Variants in DBX2 observed in about 807,000 individuals in gnomAD.
DBX2 encodes homeobox protein DBX2.
Under a neutral mutation model 17.7 loss-of-function variants are expected in DBX2, and 16 were observed. The observed-to-expected ratio is 0.90, with a 90% confidence interval of 0.61 to 1.37. The LOEUF (loss-of-function observed/expected upper bound fraction) is 1.37. DBX2 is among the 40% of genes most tolerant of loss of function. The probability of loss-of-function intolerance (pLI) is 0.00; values close to 1 mark genes in which losing one functional copy is unlikely to be tolerated. For missense variants in DBX2, 538 were observed against 433.8 expected (o/e 1.24, Z -2.13); for synonymous variants, 255 against 183.8 (o/e 1.39, Z -3.13).
At chr12:45,030,388 G>A (rs1480046134) in intron 2 of DBX2, among the ~76,000 whole-genome samples, 1 of 152,198 alleles carries the variant, frequency 6.6e-6, no homozygotes, top group Non-Finnish European at 1.5e-5. Flanking sequence ...GTGATGTTTA[G>A]ACTCACCAAT....
Position 45,016,157 on chromosome 12 carries a change from A to C in DBX2, c.*129T>G. 3.0e-6 allele frequency: 3 copies of C among 984,974 alleles called. No individual in the cohort carries two copies. The highest frequency in any genetic ancestry group is 5.0e-5 in the South Asian group (2 of 39,988). The allele number at this position is 984,974 out of a possible 1,614,324, so 61.0% of individuals were successfully genotyped here. ...GAGAACACTAGAGTGGGTTTCCTAAAGCATTAGTTCATACATCGCTCCAAA... is the reference window on the plus strand; with the variant it reads ...GAGAACACTAGAGTGGGTTTCCTAACGCATTAGTTCATACATCGCTCCAAA... On this transcript the variant is annotated 3_prime_UTR_variant, in exon 4 of 4. Transcript: ENST00000332700.
At chr12:45,037,302 T>G (rs1002435924) in intron 1 of DBX2, among the ~76,000 whole-genome samples, 1 of 152,190 alleles carries the variant, frequency 6.6e-6, no homozygotes, top group Non-Finnish European at 1.5e-5. Flanking sequence ...GGAGATTGCC[T>G]AAAGTGGGCA....
At chr12:45,033,033 A>T (rs559171219) in intron 2 of DBX2, among the ~76,000 whole-genome samples, 30 of 152,280 alleles carry the variant, frequency 2.0e-4, no homozygotes, top group African/African-American at 6.7e-4. Context: ...CTGCCTTTTA[A>T]TTTTTCCCCA....
intron 2 of DBX2, among the ~76,000 whole-genome samples, chr12:45,029,695 TC>T (rs1193447055): frequency 6.6e-6 from 1 of 151,786 alleles, no homozygotes; most frequent in Admixed American, 6.6e-5. Flanking sequence ...TGAAACCGTC[TC>T]TACTAAAAAT....
In DBX2 at chr12:45,050,710, A is replaced by G. The variant is rs1946527164; in HGVS notation, c.218T>C (p.Leu73Pro). 2.0e-6 allele frequency: 3 copies of G among 1,499,636 alleles called. No homozygotes were observed. The highest frequency in any genetic ancestry group is 2.7e-6 in the Non-Finnish European group (3 of 1,127,162). 92.9% of individuals were successfully genotyped at this position (1,499,636 alleles called of 1,614,324 possible). A position where few individuals can be genotyped will look rare whatever the true frequency, so the allele number is the denominator to read the frequency against. Reference sequence around the variant, plus strand: ...AACTGGGCTAGCAGGCAGGGGCCGGAGCTGCGCGCCCGCGGTGGCCAGGGC... The same window carrying G: ...AACTGGGCTAGCAGGCAGGGGCCGGGGCTGCGCGCCCGCGGTGGCCAGGGC... The part of the protein sequence containing the change: ...ATALATAGAQ[L>P]RPLPASPVPL... Residue 73 changes from leucine to proline, a missense_variant, in exon 1 of 4, where the codon CTC (leucine) becomes CCC (proline). Leu to Pro is a moderately conservative substitution (Grantham distance 98). Transcript: ENST00000332700.
chr12:45,020,675 G>GTATATATATATATATATATA (rs10649840), intron 3 of DBX2, among the ~76,000 whole-genome samples: 3 of 146,010 alleles, frequency 2.1e-5, no homozygotes, highest in African/African-American at 7.6e-5. Flanking sequence ...GTATATATAT[G>GTATATATATATATATATATA]TATATATATA....
rs116660148 is a variant in DBX2, at chr12:45,042,251, T to A, written c.404-6137A>T. ...TTAGTATATAATCTGAGATCAAGAC[T>A]AAAACAGCACATAAAAAAGCTGTAT... is the stretch of plus-strand genomic sequence containing the variant. On this transcript the variant is annotated intron_variant, in intron 1 of 3. Coordinates refer to ENST00000332700, the MANE Select transcript of DBX2 (RefSeq NM_001004329.3). 1.0e-3 allele frequency among the ~76,000 whole-genome samples: 152 copies of A among 152,292 alleles called. 1 individual carries two copies. Among genetic ancestry groups the A allele is most frequent in the African/African-American group, 3.4e-3 (142 of 41,568 alleles).
chr12:45,016,132 G>C lies in DBX2; in HGVS notation c.*154C>G. ...TAAGCCTGAGTCTAGGGCCAAACAAGAGAACACTAGAGTGGGTTTCCTAAA... is the reference window on the plus strand; with the variant it reads ...TAAGCCTGAGTCTAGGGCCAAACAACAGAACACTAGAGTGGGTTTCCTAAA... On this transcript the variant is annotated 3_prime_UTR_variant, in exon 4 of 4. Transcript: ENST00000332700. 1 of 722,116 alleles carries C rather than the reference G, an allele frequency of 1.4e-6. No individual in the cohort carries two copies. The highest frequency in any genetic ancestry group is 2.1e-6 in the Non-Finnish European group (1 of 479,452). The allele number at this position is 722,116 out of a possible 1,614,324, so 44.7% of individuals were successfully genotyped here.
At chr12:45,023,660 T>A (rs1185924193) in intron 3 of DBX2, 47 bp downstream of exon 3, 1 of 1,603,320 alleles carries the variant, frequency 6.2e-7, no homozygotes, top group Non-Finnish European at 8.5e-7. Context: ...TTTCATCTGA[T>A]CTCAGAAGAA....
intron 3 of DBX2, among the ~76,000 whole-genome samples, chr12:45,019,123 A>T (rs1946338055): frequency 6.6e-6 from 1 of 152,108 alleles, no homozygotes; most frequent in African/African-American, 2.4e-5. Flanking sequence ...AACACTTAAA[A>T]AAAGGTTAAA....
chr12:45,044,259 C>T (rs1283554941), intron 1 of DBX2, among the ~76,000 whole-genome samples: 1 of 152,084 alleles, frequency 6.6e-6, no homozygotes, highest in African/African-American at 2.4e-5. Context: ...AATATAACCA[C>T]AAAACTTGTT....
chr12:45,016,256 T>A lies in DBX2; in HGVS notation c.*30A>T, dbSNP rs911980390. The A allele has an allele frequency of 2.6e-6, 4 of 1,527,864 alleles. No individual in the cohort carries two copies. The South Asian group carries it at 5.3e-5, about 20-fold the overall frequency. The allele number at this position is 1,527,864 out of a possible 1,614,324, so 94.6% of individuals were successfully genotyped here. On this transcript the variant is annotated 3_prime_UTR_variant, in exon 4 of 4. Coordinates refer to ENST00000332700, the MANE Select transcript of DBX2 (RefSeq NM_001004329.3). ...GTCCAGATGTTACTATTAAGCGTTCTTTTAAATGAACACGGAGGAATGCTT... is the reference window on the plus strand; with the variant it reads ...GTCCAGATGTTACTATTAAGCGTTCATTTAAATGAACACGGAGGAATGCTT...
intron 2 of DBX2, among the ~76,000 whole-genome samples, chr12:45,025,475 A>G (rs368320454): frequency 1.3e-5 from 2 of 151,960 alleles, no homozygotes; most frequent in Non-Finnish European, 2.9e-5. Context: ...GCTTTAAGAC[A>G]CTCAGTTCAT....
rs1006591899 is a variant in DBX2, at chr12:45,015,646, T to C, written c.*640A>G. Reference sequence around the variant, plus strand: ...GAGATTAAGGATACTAATAGTTATATACAGAAATTCTTCTAATTTGCTTGT... The same window carrying C: ...GAGATTAAGGATACTAATAGTTATACACAGAAATTCTTCTAATTTGCTTGT... On this transcript the variant is annotated 3_prime_UTR_variant, in exon 4 of 4. Transcript: ENST00000332700. 1 of 152,218 alleles carries C rather than the reference T, an allele frequency of 6.6e-6. No individual in the cohort carries two copies. The highest frequency in any genetic ancestry group is 1.5e-5 in the Non-Finnish European group (1 of 68,040). 9.4% of individuals were successfully genotyped at this position (152,218 alleles called of 1,614,324 possible).
At chr12:45,041,042 G>GA (rs1283592479) in intron 1 of DBX2, among the ~76,000 whole-genome samples, 1 of 147,726 alleles carries the variant, frequency 6.8e-6, no homozygotes, top group Non-Finnish European at 1.5e-5. Context: ...GCAACCACTG[G>GA]GGGGAAGAAA....
intron 3 of DBX2, 86 bp from the exon 4 acceptor site, chr12:45,016,704 C>T: frequency 3.0e-6 from 4 of 1,328,896 alleles, no homozygotes; most frequent in Non-Finnish European, 4.0e-6. Context: ...TTCTACTATC[C>T]CTTCTACAGA....
intron 1 of DBX2, among the ~76,000 whole-genome samples, chr12:45,046,271 T>C (rs955977544): frequency 6.6e-6 from 1 of 152,198 alleles, no homozygotes; most frequent in Non-Finnish European, 1.5e-5. Context: ...AAAGGTATGT[T>C]GAGCAGATTA....
chr12:45,039,277 G>A (rs1193443905), intron 1 of DBX2, among the ~76,000 whole-genome samples: 69 of 90,278 alleles, frequency 7.6e-4, no homozygotes, highest in African/African-American at 2.4e-3. Flanking sequence ...TGCATTGAAG[G>A]TATATATATA....
intron 1 of DBX2, among the ~76,000 whole-genome samples, chr12:45,047,731 C>T (rs549178956): frequency 4.6e-4 from 70 of 152,246 alleles, no homozygotes; most frequent in African/African-American, 1.6e-3. Context: ...AATTGGCCCT[C>T]ATTATTTTCT....
Sources: allele counts gnomAD v4.1 joint callset (sites outside exome capture counted in the v4.1 genomes callset), GRCh38; gene constraint gnomAD v4.1.1; transcripts MANE v1.5; gene names NCBI Gene and HGNC (gene_info 2026-07-23, HGNC 2026-07-21).